CPSF7: variants seen among roughly 807,000 people sequenced by gnomAD.
CPSF7 encodes cleavage and polyadenylation specific factor 7, also known as cleavage and polyadenylation specificity factor subunit 7.
In CPSF7, 1 loss-of-function variant was observed where a neutral mutation model predicts 44.3. That is an observed-to-expected ratio of 0.02 (90% CI 0.01 to 0.11). CPSF7 has a LOEUF of 0.11. Ranked by LOEUF, CPSF7 falls within the 10% of genes least tolerant of loss-of-function variation. The pLI, the probability that CPSF7 is intolerant of heterozygous loss-of-function variation, is 1.00. For synonymous variants in CPSF7, 202 were observed against 222.0 expected, an observed-to-expected ratio of 0.91 and a Z score of 0.80; for missense variants, 443 against 607.2, an observed-to-expected ratio of 0.73 and a Z score of 2.84.
Position 61,416,308 on chromosome 11 carries a change from G to T in CPSF7, c.735C>A (p.Val245=). The T allele has an allele frequency of 1.5e-5, 23 of 1,549,842 alleles. No homozygotes were observed. The highest frequency in any genetic ancestry group is 1.9e-5 in the Non-Finnish European group (22 of 1,146,622). The change falls in exon 6 of 10, where the codon GTC becomes GTA. Residue 245 remains valine (V), a synonymous_variant. Coordinates refer to ENST00000439958, the MANE Select transcript of CPSF7 (RefSeq NM_001142565.3). ...AGTGGATACCAGGAGGAGGAGGAGG[G>T]ACCCCAAAGCTTGAGGAGAGAGGTG... ...PPPPLSSSFG[V]PPPPPGIHYQ...
At position 61,419,771 on chromosome 11, in the gene CPSF7, A is replaced by G. The variant is rs1037662788; in HGVS notation, c.523+178T>C. On this transcript the variant is annotated intron_variant, in intron 5 of 9. Coordinates refer to ENST00000439958, the MANE Select transcript of CPSF7 (RefSeq NM_001142565.3). The stretch of plus-strand genomic sequence containing the variant: ...CCCAGCACAATGCTCTTTCTTCTAT[A>G]TAGACCTATTCTGAGGACTACTTGT... The G allele has an allele frequency of 5.6e-6, 4 of 710,410 alleles. No homozygotes were observed. The Admixed American group carries it at 1.1e-4, about 20-fold the overall frequency. 44.0% of individuals were successfully genotyped at this position (710,410 alleles called of 1,614,324 possible).
intron 2 of CPSF7, chr11:61,426,818 G>C (rs1203818548): frequency 6.6e-6 from 1 of 152,246 alleles, no homozygotes; most frequent in Non-Finnish European, 1.5e-5. Flanking sequence ...ACAAGGTCAA[G>C]AGATTGAGAC....
intron 5 of CPSF7, among the ~76,000 whole-genome samples, chr11:61,417,647 G>A (rs1243007347): frequency 6.6e-6 from 1 of 152,206 alleles, no homozygotes; most frequent in Non-Finnish European, 1.5e-5. Context: ...AACAGTGCCA[G>A]TGCTGTCTTG....
chr11:61,416,587 T>C, intron 5 of CPSF7, 68 bp from the exon 6 acceptor site: 1 of 1,505,200 alleles, frequency 6.6e-7, no homozygotes, highest in Admixed American at 1.7e-5. Flanking sequence ...CAGTTCATCC[T>C]TCAGAAGTTA....
chr11:61,429,680 G>C (rs1005553713), intron 1 of CPSF7: 120 of 1,477,534 alleles, frequency 8.1e-5, no homozygotes, highest in Non-Finnish European at 1.0e-4. Flanking sequence ...GTGTCAAGCA[G>C]CTCCAGCCGC....
intron 2 of CPSF7, among the ~76,000 whole-genome samples, chr11:61,425,868 G>C (rs1301095200): frequency 6.6e-6 from 1 of 151,970 alleles, no homozygotes; most frequent in Non-Finnish European, 1.5e-5. Flanking sequence ...TACCTCACTA[G>C]TCCTGGCACA....
intron 9 of CPSF7, among the ~76,000 whole-genome samples, chr11:61,409,140 G>C (rs1291174361): frequency 6.6e-6 from 1 of 151,238 alleles, no homozygotes; most frequent in East Asian, 1.9e-4. Context: ...GTGAGACAAT[G>C]TGTCTATTAA....
chr11:61,421,072 T>A, intron 3 of CPSF7: 1 of 1,350,222 alleles, frequency 7.4e-7, no homozygotes, highest in African/African-American at 1.5e-5. Context: ...CAGGACCATC[T>A]AATGACCACC....
rs1859140419 is a variant in CPSF7 at position 61,404,624 on chromosome 11, G to A, written c.*86C>T. 1 of 152,212 alleles carries A rather than the reference G, an allele frequency of 6.6e-6. No individual in the cohort carries two copies. The highest frequency in any genetic ancestry group is 2.1e-4 in the South Asian group (1 of 4,814). 9.4% of individuals were successfully genotyped at this position (152,212 alleles called of 1,614,324 possible). A position where few individuals can be genotyped will look rare whatever the true frequency, so the allele number is the denominator to read the frequency against. ...GGGTTTGGAGGAAAGGGAAGGGGGT[G>A]GGGCGGCCTCCGTCCTTTAGTCCTG... On this transcript the variant is annotated 3_prime_UTR_variant, in exon 10 of 10. Transcript: ENST00000439958.
intron 9 of CPSF7, among the ~76,000 whole-genome samples, chr11:61,410,343 C>T (rs1859744548): frequency 6.6e-6 from 1 of 152,176 alleles, no homozygotes; most frequent in African/African-American, 2.4e-5. Flanking sequence ...CTTGGCCTCC[C>T]AAAGTGCTGG....
chr11:61,413,437 C>A (rs1259868017), intron 7 of CPSF7, among the ~76,000 whole-genome samples: 6 of 151,934 alleles, frequency 3.9e-5, no homozygotes, highest in Non-Finnish European at 8.8e-5. Context: ...TCGAGACCAG[C>A]CTGGCCAAAA....
Position 61,429,264 on chromosome 11 carries a change from A to G in CPSF7, c.-29T>C. 6.2e-7 allele frequency: 1 copy of G among 1,613,092 alleles called. No homozygotes were observed. Among genetic ancestry groups the G allele is most frequent in the Non-Finnish European group, 8.5e-7 (1 of 1,179,110 alleles). On this transcript the variant is annotated 5_prime_UTR_variant, in exon 2 of 10. Transcript: ENST00000439958. Reference sequence around the variant, plus strand: ...TCCGGAAGGAAGATCGCGAGTCCGGAGGATGGACAAAGTAAGGAAGATGCC... The same window carrying G: ...TCCGGAAGGAAGATCGCGAGTCCGGGGGATGGACAAAGTAAGGAAGATGCC...
At chr11:61,429,569 G>T in intron 1 of CPSF7, 1 of 628,854 alleles carries the variant, frequency 1.6e-6, no homozygotes, top group South Asian at 2.1e-5. Flanking sequence ...GGGTCCTAGT[G>T]GCCCTAGGAC....
At chr11:61,405,670 T>C (rs1859246818) in intron 9 of CPSF7, among the ~76,000 whole-genome samples, 1 of 152,244 alleles carries the variant, frequency 6.6e-6, no homozygotes, top group South Asian at 2.1e-4. Flanking sequence ...TTTCTCCTAA[T>C]GCCCAAACTG....
chr11:61,406,353 G>C (rs11230688), intron 9 of CPSF7, among the ~76,000 whole-genome samples: 1 of 152,278 alleles, frequency 6.6e-6, no homozygotes, highest in East Asian at 1.9e-4. Flanking sequence ...TGTCATCATA[G>C]AATATAAATA....
intron 2 of CPSF7, among the ~76,000 whole-genome samples, chr11:61,425,645 G>C (rs558918056): frequency 6.6e-6 from 1 of 152,208 alleles, no homozygotes; most frequent in Admixed American, 6.5e-5. Flanking sequence ...AACTAGCCTA[G>C]GATTTATTTT....
At chr11:61,414,524 C>T (rs1334598588) in intron 7 of CPSF7, among the ~76,000 whole-genome samples, 1 of 152,164 alleles carries the variant, frequency 6.6e-6, no homozygotes, top group African/African-American at 2.4e-5. Flanking sequence ...TACTTTCTGT[C>T]TTTAACCTTC....
intron 2 of CPSF7, among the ~76,000 whole-genome samples, chr11:61,422,300 G>A (rs1272857836): frequency 6.6e-6 from 1 of 151,492 alleles, no homozygotes; most frequent in Non-Finnish European, 1.5e-5. Context: ...GCATTACCAT[G>A]ACATGTATCT....
chr11:61,412,375 C>T (rs893503569), intron 7 of CPSF7, among the ~76,000 whole-genome samples: 4 of 151,770 alleles, frequency 2.6e-5, no homozygotes, highest in Admixed American at 1.3e-4. Context: ...CTGCAAGCTC[C>T]GCCTCCCAGG....
Sources: gnomAD v4.1 joint callset for allele counts (sites outside exome capture counted in the v4.1 genomes callset) on GRCh38, gnomAD v4.1.1 for gene constraint, MANE v1.5 for transcripts, NCBI Gene and HGNC (gene_info 2026-07-23, HGNC 2026-07-21) for gene names.